Variants in DRAM1 observed in about 807,000 individuals in gnomAD.
DRAM1 encodes the protein DNA damage-regulated autophagy modulator protein 1.
In DRAM1, 25 loss-of-function variants were observed where a neutral mutation model predicts 28.5. That is an observed-to-expected ratio of 0.88 (90% confidence interval 0.64 to 1.23). The LOEUF is 1.23. DRAM1 is among the 50% of genes most tolerant of loss of function. DRAM1 has a pLI of 0.00. For synonymous variants in DRAM1, 113 were observed against 114.2 expected, an observed-to-expected ratio of 0.99 and a Z score of 0.07; for missense variants, 249 against 299.2, an observed-to-expected ratio of 0.83 and a Z score of 1.24.
intron 5 of DRAM1, among the ~76,000 whole-genome samples, chr12:101,915,829 G>C (rs1874221627): frequency 6.6e-6 from 1 of 152,152 alleles, no homozygotes; most frequent in Non-Finnish European, 1.5e-5. Context: ...TAAAGTGCTG[G>C]GATTACAGGC....
At chr12:101,886,660 T>C (rs1872896391) in intron 1 of DRAM1, among the ~76,000 whole-genome samples, 1 of 152,230 alleles carries the variant, frequency 6.6e-6, no homozygotes, top group Non-Finnish European at 1.5e-5. Context: ...AACTCCCTCC[T>C]GTGAGGGCCA....
chr12:101,920,110 AT>A lies in DRAM1; in HGVS notation c.583del (p.Tyr195MetfsTer5). ...TKLEWNPREK[D>X]YVYHVVSAIC... is the part of the protein sequence containing the mutation. ...TCTGTTTCTTTATTATTGCATTAGG[AT>A]TATGTATATCACGTAGTGAGTGCGA... On this transcript the variant is annotated frameshift_variant and splice_region_variant, in exon 6 of 7. Transcript: ENST00000258534. LOFTEE classifies it high-confidence loss of function. 6.3e-7 allele frequency: 1 copy of A among 1,595,462 alleles called. No homozygotes were observed. The highest frequency in any genetic ancestry group is 8.5e-7 in the Non-Finnish European group (1 of 1,170,924).
At chr12:101,894,240 C>A (rs565829872) in intron 1 of DRAM1, among the ~76,000 whole-genome samples, 1 of 152,278 alleles carries the variant, frequency 6.6e-6, no homozygotes, top group South Asian at 2.1e-4. Context: ...GCCTCAGCCT[C>A]CTGAGTAGCT....
At chr12:101,908,152 C>T (rs981132062) in intron 3 of DRAM1, 34 bp from the exon 4 acceptor site, 1 of 1,568,894 alleles carries the variant, frequency 6.4e-7, no homozygotes, top group East Asian at 2.3e-5. Context: ...ACAAACCCAC[C>T]CAGAGTAACA....
At position 101,917,963 on chromosome 12, in the gene DRAM1, C is replaced by T. The variant is rs878972942; in HGVS notation, c.580-2146C>T. On this transcript the variant is annotated intron_variant, in intron 5 of 6. Coordinates refer to ENST00000258534, the MANE Select transcript of DRAM1 (RefSeq NM_018370.3). The stretch of plus-strand genomic sequence containing the variant: ...AAACCCGCTGCTGGGAAGGGCTTAT[C>T]GAAGTATATTCCCAGGCAGTTAAAA... Among the ~76,000 whole-genome samples the T allele has an allele frequency of 7.9e-5, 12 of 152,228 alleles. No individual in the cohort carries two copies. In the East Asian group the frequency reaches 1.5e-3, roughly 20 times the overall value.
intron 3 of DRAM1, among the ~76,000 whole-genome samples, chr12:101,906,367 G>A (rs1873808860): frequency 6.6e-6 from 1 of 151,508 alleles, no homozygotes; most frequent in Non-Finnish European, 1.5e-5. Flanking sequence ...GGAAGCCCAG[G>A]TCAGAGGGAA....
chr12:101,915,977 TCTA>T (rs1349453459), intron 5 of DRAM1, among the ~76,000 whole-genome samples: 1 of 152,206 alleles, frequency 6.6e-6, no homozygotes, highest in Non-Finnish European at 1.5e-5. Context: ...AGAAGGCAGT[TCTA>T]CTAGTTCACG....
chr12:101,919,996 C>T, intron 5 of DRAM1, 113 bp from the exon 6 acceptor site: 1 of 636,474 alleles, frequency 1.6e-6, no homozygotes, highest in Non-Finnish European at 2.5e-6. Flanking sequence ...AAAGTTCTGA[C>T]TTATGCTCAC....
At chr12:101,913,835 A>G (rs1032586877) in intron 4 of DRAM1, among the ~76,000 whole-genome samples, 1 of 152,148 alleles carries the variant, frequency 6.6e-6, no homozygotes, top group Non-Finnish European at 1.5e-5. Flanking sequence ...GAATTTAAAC[A>G]GCTAGTTTAA....
intron 1 of DRAM1, chr12:101,889,984 C>A (rs1001334737): frequency 2.8e-5 from 12 of 426,668 alleles, no homozygotes; most frequent in Non-Finnish European, 5.5e-5. Flanking sequence ...TGAGTACTTT[C>A]TAATGTTGTG....
chr12:101,880,278 CTTTTTTTTTTTT>C (rs61082909), intron 1 of DRAM1, among the ~76,000 whole-genome samples: 1 of 70,096 alleles, frequency 1.4e-5, no homozygotes, highest in African/African-American at 7.6e-5. Context: ...GCAATGCTTC[CTTTTTTTTTTTT>C]TTTTTTTTTT....
At chr12:101,884,144 T>C (rs1872791964) in intron 1 of DRAM1, among the ~76,000 whole-genome samples, 1 of 151,984 alleles carries the variant, frequency 6.6e-6, no homozygotes, top group Admixed American at 6.6e-5. Flanking sequence ...CCCAGCACTT[T>C]GGGAGGCTGA....
At chr12:101,894,059 T>A (rs1167190926) in intron 1 of DRAM1, among the ~76,000 whole-genome samples, 5 of 152,104 alleles carry the variant, frequency 3.3e-5, no homozygotes, top group Non-Finnish European at 7.4e-5. Flanking sequence ...GCCTCCCAAG[T>A]AGCTGGGACT....
chr12:101,878,020 G>A (rs987307856), intron 1 of DRAM1, 100 bp downstream of exon 1: 11 of 1,344,582 alleles, frequency 8.2e-6, no homozygotes, highest in Non-Finnish European at 1.1e-5. Flanking sequence ...AGCTTGGGGC[G>A]TCGTGTGGTC....
At chr12:101,888,083 A>G (rs1188919590) in intron 1 of DRAM1, among the ~76,000 whole-genome samples, 5 of 152,192 alleles carry the variant, frequency 3.3e-5, no homozygotes, top group Non-Finnish European at 7.3e-5. Context: ...TGTCACAAAG[A>G]TGAAAAGGTA....
rs1200470923 is a variant in DRAM1 at position 101,904,426 on chromosome 12, GGTTTTTT to G, written c.342+2994_342+3000del. Among the ~76,000 whole-genome samples, 335 of 38,954 alleles carry G rather than the reference GGTTTTTT, an allele frequency of 8.6e-3. 45 individuals carry two copies. Among genetic ancestry groups the G allele is most frequent in the African/African-American group, 0.02 (194 of 9,870 alleles). 25.6% of individuals were successfully genotyped at this position (38,954 alleles called of 152,430 possible). A position where few individuals can be genotyped will look rare whatever the true frequency, so the allele number is the denominator to read the frequency against. Reference sequence around the variant, plus strand: ...TGAAGCTGAGTGATAGAGCTTTAGGGGTTTTTTTTTTTTTTTTTTTTTTTTTTTTTTT... The same window carrying G: ...TGAAGCTGAGTGATAGAGCTTTAGGGTTTTTTTTTTTTTTTTTTTTTTTTT... On this transcript the variant is annotated intron_variant, in intron 3 of 6. Coordinates refer to ENST00000258534, the MANE Select transcript of DRAM1 (RefSeq NM_018370.3).
intron 1 of DRAM1, among the ~76,000 whole-genome samples, chr12:101,886,798 A>C (rs1266269491): frequency 6.6e-6 from 1 of 152,206 alleles, no homozygotes; most frequent in Non-Finnish European, 1.5e-5. Context: ...GACTTAATGC[A>C]ATACATATTA....
chr12:101,921,887 C>T lies in DRAM1; in HGVS notation c.*627C>T, dbSNP rs1359096316. On this transcript the variant is annotated 3_prime_UTR_variant, in exon 7 of 7. Coordinates refer to ENST00000258534, the MANE Select transcript of DRAM1 (RefSeq NM_018370.3). ...AGTAACTCTAAGTGAATACGGAAGA[C>T]CTTGGTTTTGAAATTCTGCCACCTT... 1 of 152,218 alleles carries T rather than the reference C, an allele frequency of 6.6e-6. No homozygotes were observed. The highest frequency in any genetic ancestry group is 1.5e-5 in the Non-Finnish European group (1 of 68,078). 9.4% of individuals were successfully genotyped at this position (152,218 alleles called of 1,614,324 possible).
rs117387960 is a variant in DRAM1 at position 101,918,734 on chromosome 12, T to G, written c.580-1375T>G. Among the ~76,000 whole-genome samples, 376 of 152,238 alleles carry G rather than the reference T, an allele frequency of 2.5e-3. 1 individual carries two copies. Among genetic ancestry groups the G allele is most frequent in the Middle Eastern group, 0.01 (3 of 294 alleles). On this transcript the variant is annotated intron_variant, in intron 5 of 6. Coordinates refer to ENST00000258534, the MANE Select transcript of DRAM1 (RefSeq NM_018370.3). ...CATGCCAAGGGCAGAGCAGCCCATG[T>G]ATGCAGCTTCAGAAGGCATGGGGGT...
Sources: gnomAD v4.1 joint callset for allele counts (sites outside exome capture counted in the v4.1 genomes callset) on GRCh38, gnomAD v4.1.1 for gene constraint, MANE v1.5 for transcripts, NCBI Gene and HGNC (gene_info 2026-07-23, HGNC 2026-07-21) for gene names.